CCSER1: variants seen among roughly 807,000 people sequenced by gnomAD.
The protein encoded by CCSER1 is coiled-coil serine rich protein 1, also known as serine-rich coiled-coil domain-containing protein 1.
A neutral mutation model predicts 82.0 loss-of-function variants in CCSER1; 41 were observed. That is an observed-to-expected ratio of 0.50 (90% CI 0.39 to 0.65). The LOEUF is 0.65. CCSER1 is among the 30% of genes least tolerant of loss of function. CCSER1 has a pLI of 0.00. For synonymous variants in CCSER1, 414 were observed against 383.9 expected (o/e 1.08, Z -0.92); for missense variants, 1,119 against 1,064.2 (o/e 1.05, Z -0.72).
intron 10 of CCSER1, among the ~76,000 whole-genome samples, chr4:91,178,078 C>T (rs574485796): frequency 6.6e-6 from 1 of 152,278 alleles, no homozygotes; most frequent in Admixed American, 6.5e-5. Flanking sequence ...ACCCAGTAGT[C>T]ATTCAGGAGC....
intron 10 of CCSER1, among the ~76,000 whole-genome samples, chr4:91,090,075 G>A (rs1331946774): frequency 2.6e-5 from 4 of 152,142 alleles, no homozygotes; most frequent in African/African-American, 7.2e-5. Context: ...ATGGGGGTCC[G>A]ATATCCCCAT....
At chr4:90,939,486 A>G (rs922423174) in intron 9 of CCSER1, among the ~76,000 whole-genome samples, 1 of 152,150 alleles carries the variant, frequency 6.6e-6, no homozygotes, top group Non-Finnish European at 1.5e-5. Context: ...GGTGGCTACA[A>G]GGCACTCATG....
chr4:91,246,968 A>C lies in CCSER1; in HGVS notation c.2217+160974A>C, dbSNP rs1739837412. ...CCTATTAGAATGGCTAAAGTCCAAAACCTGATAGTACAATAGCTGACAAGA... is the reference window on the plus strand; with the variant it reads ...CCTATTAGAATGGCTAAAGTCCAAACCCTGATAGTACAATAGCTGACAAGA... On this transcript the variant is annotated intron_variant, in intron 10 of 10. Coordinates refer to ENST00000509176, the MANE Select transcript of CCSER1 (RefSeq NM_001145065.2). Among the ~76,000 whole-genome samples, 3 of 152,074 alleles carry C rather than the reference A, an allele frequency of 2.0e-5. No individual in the cohort carries two copies. In the South Asian group the frequency reaches 6.2e-4, roughly 32 times the overall value.
chr4:91,407,316 G>A (rs1320080378), intron 10 of CCSER1, among the ~76,000 whole-genome samples: 1 of 152,070 alleles, frequency 6.6e-6, no homozygotes, highest in Non-Finnish European at 1.5e-5. Flanking sequence ...AAAATAATAG[G>A]CAAAAACCGT....
intron 7 of CCSER1, among the ~76,000 whole-genome samples, chr4:90,751,961 C>G (rs1352716601): frequency 6.6e-6 from 1 of 151,832 alleles, no homozygotes; most frequent in Non-Finnish European, 1.5e-5. Flanking sequence ...GACCATGTTC[C>G]AAATATTTGC....
Position 90,756,093 on chromosome 4 carries a change from T to C in CCSER1, c.2010+32102T>C, listed in dbSNP as rs575350786. On this transcript the variant is annotated intron_variant, in intron 7 of 10. Coordinates refer to ENST00000509176, the MANE Select transcript of CCSER1 (RefSeq NM_001145065.2). ...AATATAAAACGCTAGCCAGGCGTGGTGGCAGGCACCTGTAATCCCAGCTTC... is the reference window on the plus strand; with the variant it reads ...AATATAAAACGCTAGCCAGGCGTGGCGGCAGGCACCTGTAATCCCAGCTTC... Among the ~76,000 whole-genome samples, 12 of 152,196 alleles carry C rather than the reference T, an allele frequency of 7.9e-5. No homozygotes were observed. The East Asian group carries it at 2.1e-3, about 27-fold the overall frequency.
intron 1 of CCSER1, among the ~76,000 whole-genome samples, chr4:90,132,595 A>G (rs75160395): frequency 1.3e-5 from 2 of 152,184 alleles, no homozygotes; most frequent in East Asian, 1.9e-4. Context: ...AAACAACCAT[A>G]TTGTATTTTA....
chr4:90,241,750 T>C (rs763023676), intron 1 of CCSER1, among the ~76,000 whole-genome samples: 19 of 152,212 alleles, frequency 1.2e-4, no homozygotes, highest in Non-Finnish European at 2.4e-4. Context: ...ATTACATTTT[T>C]AAGAGTGTTG....
intron 5 of CCSER1, among the ~76,000 whole-genome samples, chr4:90,473,870 T>A (rs943588951): frequency 1.3e-5 from 2 of 152,236 alleles, no homozygotes; most frequent in African/African-American, 2.4e-5. Flanking sequence ...AGATATTTAT[T>A]TGTTAATTTA....
intron 5 of CCSER1, among the ~76,000 whole-genome samples, chr4:90,593,249 A>G (rs915110149): frequency 3.9e-5 from 6 of 152,130 alleles, no homozygotes; most frequent in Non-Finnish European, 7.4e-5. Context: ...GGAGCAAACA[A>G]AAAAAATCCT....
chr4:90,152,429 C>T (rs1727038120), intron 1 of CCSER1, among the ~76,000 whole-genome samples: 1 of 152,096 alleles, frequency 6.6e-6, no homozygotes, highest in Non-Finnish European at 1.5e-5. Flanking sequence ...GAAAATGGGG[C>T]TTGATTTTCC....
At chr4:91,152,235 C>G (rs1199352293) in intron 10 of CCSER1, among the ~76,000 whole-genome samples, 1 of 152,014 alleles carries the variant, frequency 6.6e-6, no homozygotes, top group East Asian at 1.9e-4. Context: ...GTAATAGCCT[C>G]CCTTGTCTCT....
At chr4:90,673,827 C>T (rs529402798) in intron 6 of CCSER1, among the ~76,000 whole-genome samples, 1 of 152,070 alleles carries the variant, frequency 6.6e-6, no homozygotes, top group South Asian at 2.1e-4. Flanking sequence ...ATCTAGTCCT[C>T]AAATAAAAAG....
At chr4:90,560,894 G>T (rs533715822) in intron 5 of CCSER1, among the ~76,000 whole-genome samples, 1 of 152,044 alleles carries the variant, frequency 6.6e-6, no homozygotes, top group Non-Finnish European at 1.5e-5. Context: ...TGTTTAAAAA[G>T]CTTTATGAAA....
intron 10 of CCSER1, among the ~76,000 whole-genome samples, chr4:91,187,253 G>C (rs536664974): frequency 6.6e-6 from 1 of 152,352 alleles, no homozygotes; most frequent in Admixed American, 6.5e-5. Flanking sequence ...GGAAGCTGTA[G>C]ACTGGAGCTG....
chr4:91,081,886 A>G (rs1428695270), intron 9 of CCSER1, among the ~76,000 whole-genome samples: 1 of 152,186 alleles, frequency 6.6e-6, no homozygotes, highest in African/African-American at 2.4e-5. Context: ...AAGGAGAACT[A>G]CAAACCACTG....
intron 9 of CCSER1, among the ~76,000 whole-genome samples, chr4:91,049,071 A>ATGTCTTTAC (rs1742769467): frequency 2.2e-4 from 33 of 152,204 alleles, no homozygotes; most frequent in Admixed American, 2.2e-3. Flanking sequence ...CAGTAAAGAC[A>ATGTCTTTAC]TGAACACCAT....
intron 8 of CCSER1, among the ~76,000 whole-genome samples, chr4:90,887,389 A>C (rs1722290530): frequency 6.6e-6 from 1 of 152,200 alleles, no homozygotes; most frequent in Admixed American, 6.5e-5. Context: ...AAGTTGTGCA[A>C]AATGATTCCA....
intron 3 of CCSER1, among the ~76,000 whole-genome samples, chr4:90,394,155 A>G (rs1035479833): frequency 3.3e-5 from 5 of 151,560 alleles, no homozygotes; most frequent in African/African-American, 1.2e-4. Flanking sequence ...GCCATTAGGA[A>G]CAATGATCTG....
Sources: gnomAD v4.1 joint callset for allele counts (sites outside exome capture counted in the v4.1 genomes callset) on GRCh38, gnomAD v4.1.1 for gene constraint, MANE v1.5 for transcripts, NCBI Gene and HGNC (gene_info 2026-07-23, HGNC 2026-07-21) for gene names.